NEK11: variants seen among roughly 807,000 people sequenced by gnomAD.
NEK11 encodes the protein serine/threonine-protein kinase Nek11.
NEK11 carries 72 observed loss-of-function variants against 80.7 expected under a neutral mutation model. That is an observed-to-expected ratio of 0.89 (90% CI 0.74 to 1.08). The LOEUF (loss-of-function observed/expected upper bound fraction) is 1.08. Among genes scored for constraint, NEK11 ranks in the 50% least tolerant of loss-of-function variants. The pLI is 0.00. For missense variants in NEK11, 764 were observed against 763.6 expected (o/e 1.00, Z -0.01); for synonymous variants, 251 against 260.7 (o/e 0.96, Z 0.36).
chr3:131,235,655 T>G (rs1166707025), intron 15 of NEK11, among the ~76,000 whole-genome samples: 1 of 152,134 alleles, frequency 6.6e-6, no homozygotes, highest in Non-Finnish European at 1.5e-5. Context: ...AGAGCTACCT[T>G]GCAGCATCCA....
chr3:131,192,383 G>A (rs144131472), intron 14 of NEK11, among the ~76,000 whole-genome samples: 91 of 152,172 alleles, frequency 6.0e-4, no homozygotes, highest in African/African-American at 2.0e-3. Context: ...ATGGTGATTC[G>A]TCAAAAAATT....
At position 131,105,081 on chromosome 3, in the gene NEK11, C is replaced by T. The variant is rs114839417; in HGVS notation, c.337-4722C>T. 8.0e-3 allele frequency among the ~76,000 whole-genome samples: 1,212 copies of T among 152,374 alleles called. 23 individuals carry two copies. The highest frequency in any genetic ancestry group is 0.028 in the African/African-American group (1,146 of 41,586). Reference sequence around the variant, plus strand: ...CTAGTGTTTACTTGCAGCTCTGCCTCTTCTCCATGAGAGCAGCATGCACTA... The same window carrying T: ...CTAGTGTTTACTTGCAGCTCTGCCTTTTCTCCATGAGAGCAGCATGCACTA... On this transcript the variant is annotated intron_variant, in intron 4 of 17. Coordinates refer to ENST00000383366, the MANE Select transcript of NEK11 (RefSeq NM_024800.5).
intron 4 of NEK11, among the ~76,000 whole-genome samples, chr3:131,083,145 C>T (rs2075518285): frequency 6.6e-6 from 1 of 152,198 alleles, no homozygotes; most frequent in African/African-American, 2.4e-5. Flanking sequence ...TTTTGACAAG[C>T]CTGCCAAATG....
chr3:131,211,025 G>A (rs2150520849), intron 14 of NEK11, among the ~76,000 whole-genome samples: 1 of 152,314 alleles, frequency 6.6e-6, no homozygotes, highest in Middle Eastern at 3.4e-3. Context: ...TATGATGTTA[G>A]CTGGTTATTT....
intron 17 of NEK11, among the ~76,000 whole-genome samples, chr3:131,336,566 T>A (rs1197991070): frequency 6.6e-6 from 1 of 152,132 alleles, no homozygotes; most frequent in East Asian, 1.9e-4. Flanking sequence ...GGGCAAGGAC[T>A]TCATGTCTAA....
intron 14 of NEK11, among the ~76,000 whole-genome samples, chr3:131,219,704 C>T (rs1019757543): frequency 6.6e-6 from 1 of 152,148 alleles, no homozygotes; most frequent in African/African-American, 2.4e-5. Context: ...TAATCTCCAA[C>T]CTCCAGAACT....
At chr3:131,217,341 T>C (rs1406854388) in intron 14 of NEK11, among the ~76,000 whole-genome samples, 1 of 152,088 alleles carries the variant, frequency 6.6e-6, no homozygotes, top group Non-Finnish European at 1.5e-5. Flanking sequence ...GGTATCCTTA[T>C]AAGCTGCTGG....
Position 131,202,453 on chromosome 3 carries a change from T to A in NEK11, c.1400-26075T>A, listed in dbSNP as rs149037163. ...ACACCAGGAGATTATATCCAGCACC[T>A]GGCTCAGCAGGTCCCACGCCCATGG... is the stretch of plus-strand genomic sequence containing the variant. On this transcript the variant is annotated intron_variant, in intron 14 of 17. Coordinates refer to ENST00000383366, the MANE Select transcript of NEK11 (RefSeq NM_024800.5). 6.6e-5 allele frequency among the ~76,000 whole-genome samples: 10 copies of A among 152,338 alleles called. No individual in the cohort carries two copies. The East Asian group carries it at 1.9e-3, about 29-fold the overall frequency.
chr3:131,349,121 C>T (rs950708544), intron 17 of NEK11, among the ~76,000 whole-genome samples: 1 of 152,162 alleles, frequency 6.6e-6, no homozygotes, highest in African/African-American at 2.4e-5. Flanking sequence ...TGTCTTACTT[C>T]CTGAGAGCTT....
chr3:131,341,743 T>C (rs903643021), intron 17 of NEK11, among the ~76,000 whole-genome samples: 1 of 150,490 alleles, frequency 6.6e-6, no homozygotes, highest in African/African-American at 2.5e-5. Context: ...TGTAGTGACT[T>C]TCTTTATCTC....
chr3:131,125,616 G>A (rs1578701966), intron 5 of NEK11, among the ~76,000 whole-genome samples: 1 of 152,174 alleles, frequency 6.6e-6, no homozygotes, highest in African/African-American at 2.4e-5. Flanking sequence ...CTGAGTGTAA[G>A]CATTATGAGA....
At chr3:131,083,610 G>GA (rs774693424) in intron 4 of NEK11, among the ~76,000 whole-genome samples, 1 of 152,176 alleles carries the variant, frequency 6.6e-6, no homozygotes, top group Non-Finnish European at 1.5e-5. Context: ...GCACCTCATA[G>GA]AAAAATGCTA....
intron 14 of NEK11, among the ~76,000 whole-genome samples, chr3:131,212,681 G>A (rs1414445150): frequency 1.3e-5 from 2 of 152,170 alleles, no homozygotes; most frequent in Non-Finnish European, 2.9e-5. Flanking sequence ...TACTAGAAGA[G>A]GCCTGGAATT....
At chr3:131,152,312 T>C (rs2089812342) in intron 7 of NEK11, 76 bp from the exon 8 acceptor site, 1 of 1,327,396 alleles carries the variant, frequency 7.5e-7, no homozygotes, top group Admixed American at 2.2e-5. Context: ...CCCCAACACA[T>C]CTGAGGTTTT....
At chr3:131,044,452 G>C (rs553711455) in intron 3 of NEK11, among the ~76,000 whole-genome samples, 5 of 149,502 alleles carry the variant, frequency 3.3e-5, no homozygotes, top group East Asian at 2.0e-4. Context: ...AAGGTGGGGG[G>C]GGGGGTTGGA....
At chr3:131,333,091 C>A (rs1358524969) in intron 17 of NEK11, among the ~76,000 whole-genome samples, 5 of 152,172 alleles carry the variant, frequency 3.3e-5, no homozygotes, top group Non-Finnish European at 5.9e-5. Context: ...GGCAGGCCAA[C>A]CTTCAGATTC....
intron 4 of NEK11, among the ~76,000 whole-genome samples, chr3:131,104,370 G>T (rs2078856624): frequency 1.3e-5 from 2 of 152,144 alleles, no homozygotes; most frequent in Admixed American, 1.3e-4. Context: ...TCAGAGAGCT[G>T]CATGGAAAAC....
At chr3:131,208,501 A>G in intron 14 of NEK11, among the ~76,000 whole-genome samples, 1 of 152,204 alleles carries the variant, frequency 6.6e-6, no homozygotes, top group Non-Finnish European at 1.5e-5. Context: ...TTCTGTGAAG[A>G]AAGTCATTGG....
chr3:131,265,987 C>T (rs1484872216), intron 16 of NEK11, among the ~76,000 whole-genome samples: 1 of 152,142 alleles, frequency 6.6e-6, no homozygotes, highest in African/African-American at 2.4e-5. Flanking sequence ...TCTAGATTTT[C>T]TAGTTTATTT....
Sources: gnomAD v4.1 joint callset for allele counts (sites outside exome capture counted in the v4.1 genomes callset) on GRCh38, gnomAD v4.1.1 for gene constraint, MANE v1.5 for transcripts, NCBI Gene and HGNC (gene_info 2026-07-23, HGNC 2026-07-21) for gene names.